The following TTK variants were observed in gnomAD, a reference collection of about 807,000 sequenced individuals.
TTK encodes dual specificity protein kinase TTK.
TTK carries 59 observed loss-of-function variants against 117.3 expected under a neutral mutation model. That is an observed-to-expected ratio of 0.50 (90% CI 0.41 to 0.62). The LOEUF (loss-of-function observed/expected upper bound fraction) is 0.62, where lower values mean the gene tolerates loss of function less well. TTK is among the 20% of genes least tolerant of loss of function. TTK has a pLI of 0.00. For synonymous variants in TTK, 302 were observed against 325.0 expected (o/e 0.93, Z 0.76); for missense variants, 921 against 989.4 (o/e 0.93, Z 0.93).
At chr6:80,017,665 T>G (rs1472776788) in intron 10 of TTK, among the ~76,000 whole-genome samples, 1 of 152,242 alleles carries the variant, frequency 6.6e-6, no homozygotes, top group Non-Finnish European at 1.5e-5. Context: ...CTATTTTGGC[T>G]ATTCCTGGCC....
intron 2 of TTK, among the ~76,000 whole-genome samples, chr6:80,006,582 G>C (rs995311028): frequency 2.6e-5 from 4 of 152,098 alleles, no homozygotes; most frequent in Non-Finnish European, 5.9e-5. Flanking sequence ...TTTCTTTCTA[G>C]ATGAGAATTT....
intron 14 of TTK, among the ~76,000 whole-genome samples, chr6:80,032,246 G>A (rs1358405641): frequency 6.6e-6 from 1 of 151,954 alleles, no homozygotes; most frequent in Admixed American, 6.6e-5. Flanking sequence ...TAGCATTTGG[G>A]ACAACTGATT....
intron 4 of TTK, among the ~76,000 whole-genome samples, chr6:80,010,587 A>G (rs1400684527): frequency 1.3e-5 from 2 of 151,738 alleles, no homozygotes; most frequent in African/African-American, 2.4e-5. Flanking sequence ...ACATATTGCA[A>G]GGAAACTATT....
rs144691961 is a variant in TTK at position 80,020,864 on chromosome 6, G to A, written c.1109-1460G>A. On this transcript the variant is annotated intron_variant, in intron 10 of 21. Coordinates refer to ENST00000369798, the MANE Select transcript of TTK (RefSeq NM_003318.5). ...AAGCACCCTTGGAAAGAGGGATAAC[G>A]CTAAACAGAGACACAAATACAGGCG... is the stretch of plus-strand genomic sequence containing the variant. Among the ~76,000 whole-genome samples the A allele has an allele frequency of 1.3e-3, 196 of 152,282 alleles. 1 individual carries two copies. The highest frequency in any genetic ancestry group is 4.7e-3 in the African/African-American group (194 of 41,550).
Position 80,039,747 on chromosome 6 carries a change from A to G in TTK, c.2182A>G (p.Thr728Ala). The change falls in exon 19 of 22, where the codon ACT becomes GCT. Residue 728 changes from threonine (T) to alanine (A), a missense_variant. Thr to Ala is a moderately conservative substitution (Grantham distance 58). Coordinates refer to ENST00000369798, the MANE Select transcript of TTK (RefSeq NM_003318.5). ...CTTAGGATGTATTTTGTACTATATG[A>G]CTTACGGGAAAACACCATTTCAGCA... ...WSLGCILYYM[T>A]YGKTPFQQII... The G allele has an allele frequency of 6.3e-7, 1 of 1,592,038 alleles. No homozygotes were observed. The highest frequency in any genetic ancestry group is 8.5e-7 in the Non-Finnish European group (1 of 1,170,250).
At chr6:80,017,583 GCT>G (rs1195649952) in intron 10 of TTK, among the ~76,000 whole-genome samples, 1 of 152,126 alleles carries the variant, frequency 6.6e-6, no homozygotes, top group African/African-American at 2.4e-5. Context: ...CAGGCCTAAT[GCT>G]CTCTTAGTAG....
At chr6:80,006,072 A>T in intron 2 of TTK, 90 bp downstream of exon 2, 1 of 1,493,210 alleles carries the variant, frequency 6.7e-7, no homozygotes, top group Non-Finnish European at 9.1e-7. Flanking sequence ...TTTATAATTT[A>T]CTCATGTGTT....
chr6:80,027,856 T>C (rs1290845568), intron 12 of TTK, 29 bp from the exon 13 acceptor site: 1 of 1,434,392 alleles, frequency 7.0e-7, no homozygotes. Context: ...TTGTAATGTT[T>C]TAAATAAAAA....
At chr6:80,020,645 A>T (rs1436250933) in intron 10 of TTK, among the ~76,000 whole-genome samples, 1 of 152,240 alleles carries the variant, frequency 6.6e-6, no homozygotes, top group African/African-American at 2.4e-5. Flanking sequence ...GGAGTCCCAG[A>T]TAGTCCAGGA....
chr6:80,007,402 A>G (rs1306894104), intron 2 of TTK, among the ~76,000 whole-genome samples: 2 of 152,162 alleles, frequency 1.3e-5, no homozygotes, highest in Admixed American at 6.5e-5. Flanking sequence ...TAAATCATTG[A>G]TGGGAGAATT....
intron 14 of TTK, among the ~76,000 whole-genome samples, chr6:80,032,713 A>G (rs1417173931): frequency 3.3e-5 from 5 of 152,182 alleles, no homozygotes; most frequent in Non-Finnish European, 1.5e-5. Context: ...ACTTCAAAGT[A>G]TCTCTAGAAT....
At chr6:80,034,419 T>C (rs1767839030) in intron 14 of TTK, among the ~76,000 whole-genome samples, 1 of 152,174 alleles carries the variant, frequency 6.6e-6, no homozygotes, top group East Asian at 1.9e-4. Flanking sequence ...CAAAAATTGC[T>C]AAATCTAGGC....
rs972714717 is a variant in TTK at position 80,040,134 on chromosome 6, T to G, written c.2308-62T>G. The stretch of plus-strand genomic sequence containing the variant: ...ATATAATGTAATCTGGAAAAATACT[T>G]TATCAATATCATATATGAAAACCTG... On this transcript the variant is annotated intron_variant, in intron 19 of 21. Transcript: ENST00000369798. 2.4e-5 allele frequency: 30 copies of G among 1,271,158 alleles called. No homozygotes were observed. In the African/African-American group the frequency reaches 4.2e-4, roughly 18 times the overall value. 78.7% of individuals were successfully genotyped at this position (1,271,158 alleles called of 1,614,324 possible).
chr6:80,006,157 G>T (rs1407979786), intron 2 of TTK, 175 bp downstream of exon 2: 4 of 769,906 alleles, frequency 5.2e-6, no homozygotes, highest in Non-Finnish European at 6.4e-6. Context: ...ACAGAACTTT[G>T]AATGGTGTCT....
chr6:80,008,076 T>A, intron 3 of TTK, 45 bp downstream of exon 3: 1 of 1,575,412 alleles, frequency 6.3e-7, no homozygotes, highest in East Asian at 2.2e-5. Context: ...TTACATAATA[T>A]GTAACTACAC....
At chr6:80,013,553 C>T in intron 9 of TTK, 187 bp downstream of exon 9, 1 of 462,168 alleles carries the variant, frequency 2.2e-6, no homozygotes, top group Middle Eastern at 5.6e-4. Context: ...TATGTTTCTC[C>T]AAGATTAAGG....
chr6:80,039,797 A>G lies in TTK; in HGVS notation c.2232A>G (p.Leu744=), dbSNP rs2127684858. 8 of 1,586,834 alleles carry G rather than the reference A, an allele frequency of 5.0e-6. No homozygotes were observed. The highest frequency in any genetic ancestry group is 6.9e-6 in the Non-Finnish European group (8 of 1,167,640). The change falls in exon 19 of 22, where the codon TTA becomes TTG. Residue 744 remains leucine (L), a synonymous_variant. Coordinates refer to ENST00000369798, the MANE Select transcript of TTK (RefSeq NM_003318.5). ...AGATAATTAATCAGATTTCTAAATT[A>G]CATGCCATAATTGATCCTAATCATG... ...FQQIINQISK[L]HAIIDPNHEI...
intron 4 of TTK, among the ~76,000 whole-genome samples, chr6:80,009,302 T>A (rs1767082205): frequency 1.3e-5 from 2 of 152,072 alleles, no homozygotes. Flanking sequence ...CTGGAGAGTA[T>A]TCCCCAGGAT....
At chr6:80,026,209 C>T (rs1767599394) in intron 11 of TTK, among the ~76,000 whole-genome samples, 169 bp from the exon 12 acceptor site, 1 of 152,032 alleles carries the variant, frequency 6.6e-6, no homozygotes, top group African/African-American at 2.4e-5. Context: ...AATAACTACA[C>T]TAAAAAAATT....
Sources: allele counts gnomAD v4.1 joint callset (sites outside exome capture counted in the v4.1 genomes callset), GRCh38; gene constraint gnomAD v4.1.1; transcripts MANE v1.5; gene names NCBI Gene and HGNC (gene_info 2026-07-23, HGNC 2026-07-21).